Variants in DLGAP2 observed in about 807,000 individuals in gnomAD.
DLGAP2 encodes DLG associated protein 2.
In DLGAP2, 26 loss-of-function variants were observed where a neutral mutation model predicts 100.3. That is an observed-to-expected ratio of 0.26 (90% CI 0.19 to 0.36). DLGAP2 has a LOEUF of 0.36. Among genes scored for constraint, DLGAP2 ranks in the 10% least tolerant of loss-of-function variants. DLGAP2 has a pLI of 1.00. For missense variants in DLGAP2, 1,858 were observed against 1,453.2 expected (o/e 1.28, Z -4.53); for synonymous variants, 886 against 630.1 (o/e 1.41, Z -6.08).
At chr8:1,458,032 A>T (rs949439743) in intron 3 of DLGAP2, among the ~76,000 whole-genome samples, 8 of 141,666 alleles carry the variant, frequency 5.6e-5, no homozygotes, top group African/African-American at 1.8e-4. Flanking sequence ...ATATGTGTGT[A>T]TATATAATTA....
intron 2 of DLGAP2, among the ~76,000 whole-genome samples, chr8:1,169,562 C>T (rs1797086426): frequency 6.6e-6 from 1 of 152,140 alleles, no homozygotes; most frequent in South Asian, 2.1e-4. Flanking sequence ...TTTCACTGAG[C>T]AGTGGTTTTT....
At position 1,483,115 on chromosome 8, in the gene DLGAP2, G is replaced by A. The variant is rs140639938; in HGVS notation, c.107-18251G>A. ...CAGCCTGGGAGATAAACCACGCTCG[G>A]TGCCGGCAGGAAGGGCAGCGGTGCA... On this transcript the variant is annotated intron_variant, in intron 3 of 14. Transcript: ENST00000637795. Among the ~76,000 whole-genome samples, 1,154 of 152,306 alleles carry A rather than the reference G, an allele frequency of 7.6e-3. 58 individuals carry two copies. The highest frequency in any genetic ancestry group is 0.069 in the Admixed American group (1,057 of 15,306).
intron 3 of DLGAP2, among the ~76,000 whole-genome samples, chr8:1,268,284 A>T (rs1799509052): frequency 1.3e-5 from 2 of 152,108 alleles, no homozygotes; most frequent in South Asian, 4.2e-4. Context: ...TGGAGAAAAT[A>T]CTCCCTATTT....
intron 4 of DLGAP2, among the ~76,000 whole-genome samples, chr8:1,537,950 A>C (rs978806684): frequency 6.6e-6 from 1 of 152,224 alleles, no homozygotes; most frequent in African/African-American, 2.4e-5. Context: ...TGGAGTGGCC[A>C]TAAGTAAGGA....
intron 3 of DLGAP2, among the ~76,000 whole-genome samples, chr8:1,429,268 G>C (rs1797337101): frequency 6.6e-6 from 1 of 152,118 alleles, no homozygotes; most frequent in Non-Finnish European, 1.5e-5. Context: ...GATTGGTAAG[G>C]GCTCTCGTTT....
intron 2 of DLGAP2, among the ~76,000 whole-genome samples, chr8:1,192,824 C>G (rs1303392081): frequency 6.6e-6 from 1 of 151,656 alleles, no homozygotes; most frequent in Non-Finnish European, 1.5e-5. Flanking sequence ...CCTCCCCACT[C>G]CCCCCACCCC....
chr8:1,165,761 C>G (rs1797002987), intron 2 of DLGAP2, among the ~76,000 whole-genome samples: 1 of 152,006 alleles, frequency 6.6e-6, no homozygotes, highest in Admixed American at 6.6e-5. Context: ...CTTAGGAACT[C>G]TAAAATTTTA....
At chr8:952,204 C>G (rs573196876) in intron 2 of DLGAP2, among the ~76,000 whole-genome samples, 1 of 152,302 alleles carries the variant, frequency 6.6e-6, no homozygotes, top group South Asian at 2.1e-4. Flanking sequence ...AAGGATGTGC[C>G]TCCTTGTGAC....
chr8:1,087,618 T>A (rs958733165), intron 2 of DLGAP2, among the ~76,000 whole-genome samples: 1 of 152,048 alleles, frequency 6.6e-6, no homozygotes, highest in Non-Finnish European at 1.5e-5. Context: ...TTTGGCTGTT[T>A]CATCTGATCT....
intron 3 of DLGAP2, among the ~76,000 whole-genome samples, chr8:1,498,616 A>G (rs903707078): frequency 6.6e-6 from 1 of 152,222 alleles, no homozygotes; most frequent in African/African-American, 2.4e-5. Context: ...CAGCCGTGAT[A>G]AAGCTCAGCA....
intron 1 of DLGAP2, among the ~76,000 whole-genome samples, chr8:787,205 A>T (rs1563432629): frequency 6.6e-6 from 1 of 152,110 alleles, no homozygotes; most frequent in Non-Finnish European, 1.5e-5. Context: ...TCCTTTGAAG[A>T]CTGCTGTATG....
In DLGAP2 at chr8:856,476, C is replaced by T. The variant is rs142877556; in HGVS notation, c.19-51436C>T. Among the ~76,000 whole-genome samples the T allele has an allele frequency of 2.3e-3, 350 of 152,176 alleles. 1 individual carries two copies. Among genetic ancestry groups the T allele is most frequent in the African/African-American group, 6.5e-3 (270 of 41,528 alleles). ...GTGCTGGGATTACAGGCATGAGCCA[C>T]GGCACCCAGCAGTGGAAAAATCTTC... On this transcript the variant is annotated intron_variant, in intron 1 of 14. Transcript: ENST00000637795.
chr8:1,344,200 G>GGCCCTGTCGTAGGTCCGTGTACTGGGT (rs1801501493), intron 3 of DLGAP2, among the ~76,000 whole-genome samples: 1 of 150,842 alleles, frequency 6.6e-6, no homozygotes, highest in African/African-American at 2.5e-5. Context: ...GTGTACTCGG[G>GGCCCTGTCGTAGGTCCGTGTACTGGGT]GCCCTGTCGT....
intron 6 of DLGAP2, among the ~76,000 whole-genome samples, chr8:1,595,539 C>T (rs999572520): frequency 5.3e-5 from 8 of 151,072 alleles, no homozygotes; most frequent in South Asian, 2.1e-4. Flanking sequence ...CGGTGGCGGG[C>T]GCCTGTAGTC....
intron 3 of DLGAP2, among the ~76,000 whole-genome samples, chr8:1,367,149 A>C (rs985885495): frequency 2.0e-5 from 3 of 152,248 alleles, no homozygotes; most frequent in African/African-American, 7.2e-5. Context: ...TATGAACTGC[A>C]GATCATATTT....
At chr8:1,473,968 C>T (rs1345078205) in intron 3 of DLGAP2, among the ~76,000 whole-genome samples, 1 of 152,156 alleles carries the variant, frequency 6.6e-6, no homozygotes, top group Admixed American at 6.6e-5. Context: ...ATGTCTTCAT[C>T]AGCAGCATGA....
At chr8:1,326,139 C>T (rs556361237) in intron 3 of DLGAP2, among the ~76,000 whole-genome samples, 47 of 152,216 alleles carry the variant, frequency 3.1e-4, no homozygotes, top group African/African-American at 1.1e-3. Context: ...TTTTTGTTTG[C>T]TCCTTAATGC....
intron 2 of DLGAP2, among the ~76,000 whole-genome samples, chr8:1,245,654 T>A (rs527915277): frequency 1.2e-4 from 19 of 152,300 alleles, no homozygotes; most frequent in Admixed American, 9.8e-4. Context: ...TGTGATTGAT[T>A]GTGGGGATGG....
At chr8:922,417 C>T (rs1468083464) in intron 2 of DLGAP2, among the ~76,000 whole-genome samples, 2 of 152,248 alleles carry the variant, frequency 1.3e-5, no homozygotes, top group South Asian at 2.1e-4. Flanking sequence ...ATATTTGCCC[C>T]CAAAATTTAA....
Sources: gnomAD v4.1 joint callset for allele counts (sites outside exome capture counted in the v4.1 genomes callset) on GRCh38, gnomAD v4.1.1 for gene constraint, MANE v1.5 for transcripts, NCBI Gene and HGNC (gene_info 2026-07-23, HGNC 2026-07-21) for gene names.